Variants in SLIT3 observed in about 807,000 individuals in gnomAD.
SLIT3 encodes the protein slit guidance ligand 3.
SLIT3 carries 68 observed loss-of-function variants against 184.0 expected under a neutral mutation model. That is an observed-to-expected ratio of 0.37 (90% confidence interval 0.30 to 0.45). SLIT3 has a LOEUF of 0.45. Among genes scored for constraint, SLIT3 ranks in the 20% least tolerant of loss-of-function variants. SLIT3 has a pLI of 1.00. For synonymous variants in SLIT3, 831 were observed against 828.6 expected, an observed-to-expected ratio of 1.00 and a Z score of -0.05; for missense variants, 1,707 against 2,026.0, an observed-to-expected ratio of 0.84 and a Z score of 3.02.
intron 8 of SLIT3, among the ~76,000 whole-genome samples, chr5:168,814,506 GGTT>G (rs1207819687): frequency 1.3e-5 from 2 of 152,172 alleles, no homozygotes; most frequent in Non-Finnish European, 2.9e-5. Context: ...GGGCAGGACT[GGTT>G]GTTGGTGGTG....
intron 10 of SLIT3, chr5:168,790,871 C>G (rs1756338984): frequency 6.6e-6 from 1 of 152,274 alleles, no homozygotes; most frequent in Admixed American, 6.5e-5. Context: ...AAGAACCATG[C>G]CACAACCTTT....
intron 4 of SLIT3, among the ~76,000 whole-genome samples, chr5:169,014,841 C>T (rs1314537833): frequency 6.6e-6 from 1 of 152,182 alleles, no homozygotes; most frequent in Non-Finnish European, 1.5e-5. Context: ...GTCTCAGCTA[C>T]TCAGGAGGCT....
chr5:169,137,989 C>T (rs1294562337), intron 4 of SLIT3, among the ~76,000 whole-genome samples: 1 of 152,172 alleles, frequency 6.6e-6, no homozygotes, highest in Admixed American at 6.5e-5. Context: ...AGAAGGGAGT[C>T]ATGCAAAACC....
chr5:168,774,454 G>T (rs6875422), intron 12 of SLIT3, 76 bp from the exon 13 acceptor site: 174 of 1,447,342 alleles, frequency 1.2e-4, no homozygotes, highest in Non-Finnish European at 1.4e-4. Flanking sequence ...ACCTGCAGGG[G>T]ATGGGCTGCA....
intron 1 of SLIT3, among the ~76,000 whole-genome samples, chr5:169,294,839 G>T (rs1044928900): frequency 6.6e-6 from 1 of 152,188 alleles, no homozygotes; most frequent in Non-Finnish European, 1.5e-5. Context: ...TGCATAGCAT[G>T]TTCCTCTACA....
At chr5:169,265,893 C>T (rs1392864808) in intron 1 of SLIT3, among the ~76,000 whole-genome samples, 1 of 152,182 alleles carries the variant, frequency 6.6e-6, no homozygotes, top group Admixed American at 6.5e-5. Flanking sequence ...CACAGCTCCA[C>T]CCCAAATCTC....
intron 4 of SLIT3, among the ~76,000 whole-genome samples, chr5:169,054,034 T>C (rs138638565): frequency 0.017 from 2,522 of 151,902 alleles, 77 homozygotes; most frequent in African/African-American, 0.057. Flanking sequence ...GAGGTTGCAG[T>C]GAGCCAACAT....
chr5:169,092,531 C>T (rs1581402057), intron 4 of SLIT3, among the ~76,000 whole-genome samples: 1 of 152,344 alleles, frequency 6.6e-6, no homozygotes, highest in Non-Finnish European at 1.5e-5. Flanking sequence ...TCCTCAGTTT[C>T]CCTGTTGCCT....
intron 4 of SLIT3, among the ~76,000 whole-genome samples, chr5:168,948,774 C>T (rs941451868): frequency 5.9e-5 from 9 of 152,040 alleles, no homozygotes; most frequent in Non-Finnish European, 1.0e-4. Context: ...GGGCTGCCCC[C>T]GGGTTATTCT....
At chr5:168,789,869 T>C (rs1756296911) in intron 10 of SLIT3, 2 of 494,674 alleles carry the variant, frequency 4.0e-6, no homozygotes, top group African/African-American at 3.9e-5. Context: ...TACTCACCCG[T>C]GGCATCTTCA....
At chr5:168,689,875 C>T (rs192683592) in intron 29 of SLIT3, among the ~76,000 whole-genome samples, 87 of 152,272 alleles carry the variant, frequency 5.7e-4, no homozygotes, top group Non-Finnish European at 8.1e-4. Context: ...TTGATTTAAA[C>T]ACATTTTAAT....
intron 4 of SLIT3, among the ~76,000 whole-genome samples, chr5:168,884,812 A>AT (rs1475668038): frequency 7.2e-5 from 11 of 151,834 alleles, no homozygotes; most frequent in Admixed American, 3.3e-4. Context: ...GTGCATGCAC[A>AT]TTTTGGGGAC....
chr5:168,883,550 C>A (rs753990634), intron 4 of SLIT3, among the ~76,000 whole-genome samples: 1 of 152,222 alleles, frequency 6.6e-6, no homozygotes, highest in Middle Eastern at 3.2e-3. Context: ...CGGAGCAGCT[C>A]GCCTCCAGGG....
intron 4 of SLIT3, among the ~76,000 whole-genome samples, chr5:168,987,988 C>A (rs1365629689): frequency 6.6e-6 from 1 of 152,248 alleles, no homozygotes; most frequent in African/African-American, 2.4e-5. Flanking sequence ...TTAAGGTGTT[C>A]TCTTCTAGGG....
intron 11 of SLIT3, among the ~76,000 whole-genome samples, chr5:168,788,367 C>A (rs1756235867): frequency 6.6e-6 from 1 of 152,138 alleles, no homozygotes; most frequent in African/African-American, 2.4e-5. Flanking sequence ...CATCCCCTTC[C>A]CGGTGGGATG....
At chr5:169,039,474 G>A (rs1757376015) in intron 4 of SLIT3, among the ~76,000 whole-genome samples, 1 of 151,810 alleles carries the variant, frequency 6.6e-6, no homozygotes. Flanking sequence ...CTGCCACCAC[G>A]TCTGGCTAAT....
At chr5:168,758,372 T>C (rs1755025774) in intron 16 of SLIT3, among the ~76,000 whole-genome samples, 1 of 152,250 alleles carries the variant, frequency 6.6e-6, no homozygotes, top group Admixed American at 6.5e-5. Flanking sequence ...TAGCAGATCC[T>C]GTTCAGAAGA....
intron 34 of SLIT3, 56 bp from the exon 35 acceptor site, chr5:168,670,047 G>GA (rs1288316496): frequency 1.7e-5 from 26 of 1,489,058 alleles, no homozygotes; most frequent in Non-Finnish European, 2.3e-5. Flanking sequence ...TGCTGCTGGG[G>GA]ACTCCCTCTG....
chr5:168,705,588 T>C (rs1194062174), intron 26 of SLIT3, among the ~76,000 whole-genome samples: 1 of 152,170 alleles, frequency 6.6e-6, no homozygotes, highest in African/African-American at 2.4e-5. Flanking sequence ...TCATGCACCC[T>C]AGACCTGCCT....
Sources: gnomAD v4.1 joint callset for allele counts (sites outside exome capture counted in the v4.1 genomes callset) on GRCh38, gnomAD v4.1.1 for gene constraint, MANE v1.5 for transcripts, NCBI Gene and HGNC (gene_info 2026-07-23, HGNC 2026-07-21) for gene names.